RANBP17: variants seen among roughly 807,000 people sequenced by gnomAD.
RANBP17 encodes RAN binding protein 17.
A neutral mutation model predicts 141.2 loss-of-function variants in RANBP17; 158 were observed. The ratio of observed to expected loss-of-function variants is 1.12; its 90% CI spans 0.98 to 1.28. The LOEUF is 1.28. RANBP17 is among the 50% of genes most tolerant of loss of function. The pLI, the probability that RANBP17 is intolerant of heterozygous loss-of-function variation, is 0.00. For synonymous variants in RANBP17, 430 were observed against 450.0 expected (o/e 0.96, Z 0.56); for missense variants, 1,438 against 1,290.7 (o/e 1.11, Z -1.75).
chr5:170,941,126 T>A (rs892627070), intron 12 of RANBP17, among the ~76,000 whole-genome samples: 3 of 151,984 alleles, frequency 2.0e-5, no homozygotes, highest in Non-Finnish European at 4.4e-5. Context: ...CAAAGGAGAT[T>A]TATTGACCAA....
intron 22 of RANBP17, 73 bp from the exon 23 acceptor site, chr5:171,240,855 G>A (rs766780936): frequency 2.1e-6 from 2 of 951,226 alleles, no homozygotes; most frequent in Non-Finnish European, 3.2e-6. Flanking sequence ...AAGTAAAAAT[G>A]TTAAATAGTG....
chr5:170,908,351 A>C (rs527844513), intron 5 of RANBP17, among the ~76,000 whole-genome samples: 2 of 152,060 alleles, frequency 1.3e-5, no homozygotes, highest in Non-Finnish European at 2.9e-5. Flanking sequence ...TAATGAAATC[A>C]TGTCCTTTGC....
chr5:171,279,707 G>A lies in RANBP17; in HGVS notation c.2943+13860G>A, dbSNP rs1050987077. 6.6e-5 allele frequency among the ~76,000 whole-genome samples: 10 copies of A among 151,748 alleles called. No homozygotes were observed. The South Asian group carries it at 8.3e-4, about 13-fold the overall frequency. ...CCTAACAGGGAGATAAGGCCAACAC[G>A]GATTTTTTTTTTCTAACTGAGGAGT... On this transcript the variant is annotated intron_variant, in intron 25 of 27. Transcript: ENST00000523189.
intron 14 of RANBP17, among the ~76,000 whole-genome samples, chr5:171,095,073 T>C (rs1437641752): frequency 6.6e-6 from 1 of 152,208 alleles, no homozygotes; most frequent in African/African-American, 2.4e-5. Context: ...TACCATATTC[T>C]TGGACTTGCC....
intron 14 of RANBP17, among the ~76,000 whole-genome samples, chr5:171,131,387 G>A (rs180803048): frequency 6.6e-6 from 1 of 152,252 alleles, no homozygotes; most frequent in Non-Finnish European, 1.5e-5. Context: ...AATTTACCTA[G>A]CTCACTGCTA....
intron 14 of RANBP17, among the ~76,000 whole-genome samples, chr5:171,072,470 A>G (rs145010437): frequency 7.2e-4 from 110 of 152,238 alleles, no homozygotes; most frequent in African/African-American, 2.6e-3. Flanking sequence ...AAAAGACAAA[A>G]GATCTGAATA....
intron 14 of RANBP17, among the ~76,000 whole-genome samples, chr5:171,114,604 TC>T (rs1297993782): frequency 1.3e-5 from 2 of 151,298 alleles, no homozygotes; most frequent in Admixed American, 1.3e-4. Flanking sequence ...GAGGGAATAT[TC>T]TGTTTTCTTT....
At position 171,007,822 on chromosome 5, in the gene RANBP17, T is replaced by G. The variant is rs538438897; in HGVS notation, c.1710+39445T>G. 3.9e-5 allele frequency among the ~76,000 whole-genome samples: 6 copies of G among 152,232 alleles called. No homozygotes were observed. The South Asian group carries it at 1.2e-3, about 32-fold the overall frequency. ...AGGTCAGGCAAGAGTTGAAGAGGTT[T>G]TAAGTTCTTGAGAACACAGGCTAAG... is the stretch of plus-strand genomic sequence containing the variant. On this transcript the variant is annotated intron_variant, in intron 14 of 27. Transcript: ENST00000523189.
intron 24 of RANBP17, chr5:171,252,030 A>G (rs1765607136): frequency 1.9e-6 from 3 of 1,606,710 alleles, no homozygotes; most frequent in Non-Finnish European, 2.6e-6. Context: ...AGAAGAGTCA[A>G]CCTAGGAAAA....
At chr5:171,065,641 A>G (rs530997678) in intron 14 of RANBP17, among the ~76,000 whole-genome samples, 6 of 152,124 alleles carry the variant, frequency 3.9e-5, no homozygotes, top group African/African-American at 1.4e-4. Context: ...GATTTGAGAT[A>G]CCAGTTTTAT....
intron 25 of RANBP17, among the ~76,000 whole-genome samples, chr5:171,277,380 A>G (rs1767553461): frequency 1.3e-5 from 2 of 151,832 alleles, no homozygotes; most frequent in South Asian, 4.2e-4. Flanking sequence ...GAAAATAATG[A>G]TTCAGTAATG....
At chr5:171,120,294 G>A (rs1294502110) in intron 14 of RANBP17, among the ~76,000 whole-genome samples, 1 of 152,174 alleles carries the variant, frequency 6.6e-6, no homozygotes, top group Non-Finnish European at 1.5e-5. Context: ...CCTTGCCCAA[G>A]GCCCTTCTTT....
At chr5:170,863,724 GTGA>G (rs1364567453) in intron 1 of RANBP17, 1 of 152,178 alleles carries the variant, frequency 6.6e-6, no homozygotes, top group African/African-American at 2.4e-5. Context: ...ACATGGAAAG[GTGA>G]TGTACAGTTA....
chr5:171,186,521 A>ATT (rs1243325206), intron 18 of RANBP17, among the ~76,000 whole-genome samples: 2 of 29,496 alleles, frequency 6.8e-5, no homozygotes, highest in Non-Finnish European at 1.5e-4. Flanking sequence ...CACTGGTATG[A>ATT]TTTTCTTTTT....
intron 14 of RANBP17, among the ~76,000 whole-genome samples, chr5:171,004,445 T>C (rs116578316): frequency 2.6e-5 from 4 of 151,956 alleles, no homozygotes; most frequent in Admixed American, 2.0e-4. Flanking sequence ...CTGGGGGAGT[T>C]TTAAGGGGTT....
At chr5:171,295,540 G>T (rs1768764416) in intron 26 of RANBP17, among the ~76,000 whole-genome samples, 2 of 152,058 alleles carry the variant, frequency 1.3e-5, no homozygotes, top group African/African-American at 4.8e-5. Flanking sequence ...TCTTCAGTCT[G>T]GGGGCCCCTC....
At chr5:171,083,708 G>A (rs1387411904) in intron 14 of RANBP17, among the ~76,000 whole-genome samples, 2 of 152,130 alleles carry the variant, frequency 1.3e-5, no homozygotes, top group Non-Finnish European at 2.9e-5. Flanking sequence ...ACATGTTGTG[G>A]GAGGAACCCA....
chr5:171,221,909 G>C, intron 22 of RANBP17, 69 bp downstream of exon 22: 2 of 993,532 alleles, frequency 2.0e-6, no homozygotes, highest in Non-Finnish European at 1.5e-6. Flanking sequence ...AAAGATGTTA[G>C]TTATTTTGTT....
At chr5:171,061,537 T>C (rs980284927) in intron 14 of RANBP17, among the ~76,000 whole-genome samples, 27 of 152,324 alleles carry the variant, frequency 1.8e-4, no homozygotes, top group African/African-American at 6.5e-4. Flanking sequence ...CAGTTTGTTA[T>C]AATTTCTGAT....
Sources: allele counts gnomAD v4.1 joint callset (sites outside exome capture counted in the v4.1 genomes callset), GRCh38; gene constraint gnomAD v4.1.1; transcripts MANE v1.5; gene names NCBI Gene and HGNC (gene_info 2026-07-23, HGNC 2026-07-21).